Variants in MAP3K9 observed in about 807,000 individuals in gnomAD.
MAP3K9 encodes the protein mitogen-activated protein kinase kinase kinase 9.
A neutral mutation model predicts 95.8 loss-of-function variants in MAP3K9; 46 were observed. That is an observed-to-expected ratio of 0.48 (90% CI 0.38 to 0.61). The LOEUF (loss-of-function observed/expected upper bound fraction) is 0.61, where lower values mean the gene tolerates loss of function less well. Among genes scored for constraint, MAP3K9 ranks in the 20% least tolerant of loss-of-function variants. MAP3K9 has a pLI of 0.00. For missense variants in MAP3K9, 1,296 were observed against 1,474.3 expected (o/e 0.88, Z 1.98); for synonymous variants, 533 against 593.8 (o/e 0.90, Z 1.49).
Position 70,801,079 on chromosome 14 carries a change from C to T in MAP3K9, c.408G>A (p.Leu136=), listed in dbSNP as rs759089368. 2 of 1,600,676 alleles carry T rather than the reference C, an allele frequency of 1.2e-6. No individual in the cohort carries two copies. Among genetic ancestry groups the T allele is most frequent in the South Asian group, 2.2e-5 (2 of 89,922 alleles). The change falls in exon 2 of 12, where the codon TTG becomes TTA. Residue 136 remains leucine, a splice_region_variant and synonymous_variant. Coordinates refer to ENST00000554752, the MANE Select transcript of MAP3K9 (RefSeq NM_001284230.2). ...TGAGCTCCGCAAAATCAATTTCTAA[C>T]ACTGAGAAAGGGAAGAAAAAAAGAA... ...EDPSCYPPIQ[L]LEIDFAELTL... is the part of the protein sequence containing the mutation.
intron 2 of MAP3K9, among the ~76,000 whole-genome samples, chr14:70,791,844 G>A (rs914094580): frequency 3.9e-5 from 6 of 152,236 alleles, no homozygotes; most frequent in African/African-American, 1.4e-4. Flanking sequence ...CTCCTGGAGA[G>A]GAGGGCCTGT....
intron 2 of MAP3K9, among the ~76,000 whole-genome samples, chr14:70,788,422 T>C (rs1015425126): frequency 6.6e-5 from 10 of 152,252 alleles, no homozygotes; most frequent in Non-Finnish European, 1.3e-4. Context: ...AATCCTCACT[T>C]CTACCCCGTA....
At chr14:70,734,096 C>T (rs113360138) in intron 10 of MAP3K9, among the ~76,000 whole-genome samples, 10 of 152,332 alleles carry the variant, frequency 6.6e-5, no homozygotes, top group South Asian at 6.2e-4. Flanking sequence ...AGCTTGCAGA[C>T]GGCCTGTCAT....
At chr14:70,801,425 A>T (rs188068694) in intron 1 of MAP3K9, among the ~76,000 whole-genome samples, 34 of 152,272 alleles carry the variant, frequency 2.2e-4, no homozygotes, top group African/African-American at 8.2e-4. Flanking sequence ...TTTAAAATAC[A>T]TTTAAATATA....
intron 10 of MAP3K9, 84 bp from the exon 11 acceptor site, chr14:70,733,426 C>G (rs1321187247): frequency 3.1e-6 from 2 of 648,092 alleles, no homozygotes; most frequent in Non-Finnish European, 5.4e-6. Flanking sequence ...CCCCTCACCC[C>G]AGGCCTCCTG....
chr14:70,762,207 G>A (rs543455698), intron 2 of MAP3K9, among the ~76,000 whole-genome samples: 231 of 152,270 alleles, frequency 1.5e-3, no homozygotes, highest in Non-Finnish European at 2.7e-3. Context: ...GTATGAACAT[G>A]TGTATACATA....
intron 5 of MAP3K9, among the ~76,000 whole-genome samples, chr14:70,743,150 C>T (rs961081658): frequency 1.3e-5 from 2 of 151,854 alleles, no homozygotes; most frequent in Non-Finnish European, 2.9e-5. Flanking sequence ...CCAAACCTAG[C>T]TAATTTTTTT....
intron 2 of MAP3K9, among the ~76,000 whole-genome samples, chr14:70,766,385 AGTT>A (rs1276542570): frequency 1.3e-5 from 2 of 152,190 alleles, no homozygotes; most frequent in Non-Finnish European, 2.9e-5. Context: ...GGAGCACTAT[AGTT>A]ATTATTATAA....
chr14:70,737,175 T>A (rs2053997334), intron 8 of MAP3K9, among the ~76,000 whole-genome samples: 1 of 152,158 alleles, frequency 6.6e-6, no homozygotes, highest in African/African-American at 2.4e-5. Context: ...AACGGTTCCG[T>A]CCATTCTTCA....
At chr14:70,752,338 C>T (rs530774549) in intron 3 of MAP3K9, among the ~76,000 whole-genome samples, 1 of 152,302 alleles carries the variant, frequency 6.6e-6, no homozygotes, top group South Asian at 2.1e-4. Context: ...CAGGACCTAG[C>T]CCAAGCTCTG....
At position 70,809,126 on chromosome 14, in the gene MAP3K9, C is replaced by A; in HGVS notation, c.46G>T (p.Ala16Ser). ...CCATCCTCCCCCGGCGGGGCGGCAG[C>A]GGCGGCGCTCGCTAGGCAGCCGAGA... ...ALLGCLASAAAAAPPGEDGAG... is the reference protein window; with the variant it reads ...ALLGCLASAASAAPPGEDGAG... The change falls in exon 1 of 12, where the codon GCT becomes TCT. Residue 16 changes from alanine (A) to serine (S), a missense_variant. By Grantham distance (99) the Ala-to-Ser change is moderately conservative (BLOSUM62 1). Coordinates refer to ENST00000554752, the MANE Select transcript of MAP3K9 (RefSeq NM_001284230.2). 1 of 1,379,562 alleles carries A rather than the reference C, an allele frequency of 7.2e-7. No individual in the cohort carries two copies. The highest frequency in any genetic ancestry group is 3.7e-5 in the Admixed American group (1 of 27,340). The allele number at this position is 1,379,562 out of a possible 1,614,324, so 85.5% of individuals were successfully genotyped here.
At chr14:70,755,661 G>A (rs1050461015) in intron 3 of MAP3K9, among the ~76,000 whole-genome samples, 2 of 152,232 alleles carry the variant, frequency 1.3e-5, no homozygotes, top group Non-Finnish European at 2.9e-5. Flanking sequence ...TGCTAAAGGT[G>A]AGAGACCATT....
chr14:70,748,895 G>A lies in MAP3K9; in HGVS notation c.1260C>T (p.His420=), dbSNP rs537338862. The change falls in exon 5 of 12, where the codon CAC becomes CAT. Residue 420 remains histidine (H), a synonymous_variant. Coordinates refer to ENST00000554752, the MANE Select transcript of MAP3K9 (RefSeq NM_001284230.2). ...GFFEMPKDSF[H]CLQDNWKHEI... is the part of the protein sequence containing the mutation. ...CGTGTTTCCAGTTGTCCTGCAGGCA[G>A]TGGAAGGAGTCCTTGGGCATTTCAA... The A allele has an allele frequency of 3.7e-6, 6 of 1,614,150 alleles. No homozygotes were observed. In the South Asian group the frequency reaches 6.6e-5, roughly 18 times the overall value.
chr14:70,801,145 C>A, intron 1 of MAP3K9, 65 bp from the exon 2 acceptor site: 1 of 1,480,800 alleles, frequency 6.8e-7, no homozygotes, highest in East Asian at 2.3e-5. Flanking sequence ...TTTAACCTTT[C>A]ATTTACCTGA....
intron 10 of MAP3K9, 87 bp downstream of exon 10, chr14:70,734,299 G>A: frequency 8.1e-6 from 7 of 860,634 alleles, no homozygotes; most frequent in Non-Finnish European, 1.4e-5. Flanking sequence ...CAGTGCTAGG[G>A]GTCCTTAAAT....
chr14:70,772,653 T>G (rs185878200), intron 2 of MAP3K9, among the ~76,000 whole-genome samples: 25 of 152,232 alleles, frequency 1.6e-4, no homozygotes, highest in African/African-American at 6.0e-4. Context: ...TTTCAAAATA[T>G]GTCCTTTCAG....
chr14:70,762,862 T>G (rs2054394087), intron 2 of MAP3K9, among the ~76,000 whole-genome samples: 1 of 152,274 alleles, frequency 6.6e-6, no homozygotes, highest in South Asian at 2.1e-4. Context: ...AAAAGTTTTA[T>G]GGTTTCAGCT....
chr14:70,752,501 T>C (rs2139760776), intron 3 of MAP3K9, among the ~76,000 whole-genome samples: 1 of 152,190 alleles, frequency 6.6e-6, no homozygotes, highest in South Asian at 2.1e-4. Context: ...CTGACAAACC[T>C]TTCATGTGAC....
intron 5 of MAP3K9, among the ~76,000 whole-genome samples, chr14:70,744,284 G>C (rs992090829): frequency 2.3e-4 from 35 of 152,142 alleles, no homozygotes; most frequent in Admixed American, 2.1e-3. Flanking sequence ...CATGGCACGT[G>C]TATGTAACAA....
Sources: allele counts gnomAD v4.1 joint callset (sites outside exome capture counted in the v4.1 genomes callset), GRCh38; gene constraint gnomAD v4.1.1; transcripts MANE v1.5; gene names NCBI Gene and HGNC (gene_info 2026-07-23, HGNC 2026-07-21).